The following STPG2 variants were observed in gnomAD, a reference collection of about 807,000 sequenced individuals.
The protein encoded by STPG2 is sperm-tail PG-rich repeat-containing protein 2.
STPG2 carries 56 observed loss-of-function variants against 54.2 expected under a neutral mutation model. That is an observed-to-expected ratio of 1.03 (90% CI 0.83 to 1.29). The LOEUF (loss-of-function observed/expected upper bound fraction) is 1.29. STPG2 is among the 50% of genes most tolerant of loss of function. STPG2 has a pLI of 0.00. For synonymous variants in STPG2, 200 were observed against 181.8 expected (o/e 1.10, Z -0.81); for missense variants, 596 against 544.9 (o/e 1.09, Z -0.93).
rs151042292 is a variant in STPG2 at position 97,800,724 on chromosome 4, T to C, written c.1204+40049A>G. 9.5e-4 allele frequency among the ~76,000 whole-genome samples: 144 copies of C among 152,286 alleles called. No individual in the cohort carries two copies. In the East Asian group the frequency reaches 0.026, roughly 27 times the overall value. On this transcript the variant is annotated intron_variant, in intron 9 of 10. Coordinates refer to ENST00000295268, the MANE Select transcript of STPG2 (RefSeq NM_174952.3). ...TCTTCAAAGCTGTCAGACAGGGACA[T>C]TCAAGTCTGCAGTGGTTTCTGCCGC...
intron 5 of STPG2, among the ~76,000 whole-genome samples, chr4:98,092,354 GA>G (rs1738718540): frequency 6.6e-6 from 1 of 151,966 alleles, no homozygotes; most frequent in African/African-American, 2.4e-5. Context: ...GGTTTGGGGG[GA>G]AAAGCGTGTT....
At chr4:97,848,843 T>C (rs1046294653) in intron 8 of STPG2, among the ~76,000 whole-genome samples, 6 of 150,568 alleles carry the variant, frequency 4.0e-5, no homozygotes, top group African/African-American at 9.8e-5. Context: ...GGCTCTGTTC[T>C]GTTCCATTGA....
chr4:98,025,765 C>T (rs576824416), intron 5 of STPG2: 43 of 1,565,952 alleles, frequency 2.7e-5, no homozygotes, highest in East Asian at 2.0e-4. Context: ...AGGTGACTGG[C>T]GATGAATACA....
chr4:97,781,034 G>A (rs1371670582), intron 9 of STPG2, among the ~76,000 whole-genome samples: 1 of 152,036 alleles, frequency 6.6e-6, no homozygotes, highest in Non-Finnish European at 1.5e-5. Flanking sequence ...AGAGAAGCAA[G>A]AGCAAACACA....
intron 9 of STPG2, among the ~76,000 whole-genome samples, chr4:97,805,853 T>C (rs76433416): frequency 7.1e-6 from 1 of 140,672 alleles, no homozygotes; most frequent in Non-Finnish European, 1.6e-5. Flanking sequence ...AAAAAAAAAA[T>C]AGATGCTGGC....
intron 4 of STPG2, among the ~76,000 whole-genome samples, chr4:97,548,809 T>C (rs1731901794): frequency 6.6e-6 from 1 of 152,164 alleles, no homozygotes; most frequent in South Asian, 2.1e-4. Flanking sequence ...ATACACAAGG[T>C]ATGTTAGAGA....
chr4:97,698,943 T>C (rs11732134), intron 10 of STPG2, among the ~76,000 whole-genome samples: 41,138 of 152,074 alleles, frequency 0.27, 6,547 homozygotes, highest in Non-Finnish European at 0.35. Context: ...ACCATGACAG[T>C]GGATAAGGCA....
intron 8 of STPG2, among the ~76,000 whole-genome samples, chr4:97,846,196 A>G (rs1728943864): frequency 6.6e-6 from 1 of 152,200 alleles, no homozygotes; most frequent in African/African-American, 2.4e-5. Flanking sequence ...GCAATGACTG[A>G]CAACAACTAC....
chr4:97,757,127 A>G (rs1426470974), intron 9 of STPG2, among the ~76,000 whole-genome samples: 2 of 152,156 alleles, frequency 1.3e-5, no homozygotes, highest in Non-Finnish European at 2.9e-5. Context: ...TATTTTCTGT[A>G]TTTACACTGA....
rs761286895 is a variant in STPG2 at position 97,712,680 on chromosome 4, G to C, written c.1320+19C>G. On this transcript the variant is annotated intron_variant, in intron 10 of 10. Transcript: ENST00000295268. ...AATTCTATTCTTGTGTCACTGTTAAGAAGGAAATATTGACAAACCTCATAT... is the reference window on the plus strand; with the variant it reads ...AATTCTATTCTTGTGTCACTGTTAACAAGGAAATATTGACAAACCTCATAT... The C allele has an allele frequency of 9.3e-6, 14 of 1,510,786 alleles. No homozygotes were observed. In the African/African-American group the frequency reaches 1.1e-4, roughly 12 times the overall value. The allele number at this position is 1,510,786 out of a possible 1,614,324, so 93.6% of individuals were successfully genotyped here.
chr4:97,581,953 G>GA (rs1293304418), intron 10 of STPG2, among the ~76,000 whole-genome samples: 1 of 151,598 alleles, frequency 6.6e-6, no homozygotes, highest in Non-Finnish European at 1.5e-5. Context: ...TCCACAATGG[G>GA]AAAAAAATTA....
At chr4:97,991,207 C>A (rs559597195) in intron 5 of STPG2, among the ~76,000 whole-genome samples, 1 of 152,016 alleles carries the variant, frequency 6.6e-6, no homozygotes, top group African/African-American at 2.4e-5. Flanking sequence ...TCCAATTGCA[C>A]CCAGGTTGCT....
intron 8 of STPG2, among the ~76,000 whole-genome samples, chr4:97,878,856 C>T (rs1730270426): frequency 6.6e-6 from 1 of 152,198 alleles, no homozygotes; most frequent in South Asian, 2.1e-4. Flanking sequence ...ATTGCTTCCT[C>T]AGGCTGCAAA....
intron 9 of STPG2, among the ~76,000 whole-genome samples, chr4:97,747,679 T>C (rs897326616): frequency 1.3e-5 from 2 of 151,464 alleles, no homozygotes; most frequent in African/African-American, 4.8e-5. Context: ...ATAAAGCTCA[T>C]ATTTTATTAA....
rs576524072 is a variant in STPG2 at position 97,603,321 on chromosome 4, G to A, written c.1321-44204C>T. On this transcript the variant is annotated intron_variant, in intron 10 of 10. Transcript: ENST00000295268. ...AAAAAAATAGAAAACAACAAATTTT[G>A]GCAAGAATGTGTACAAATTGGAACA... 5.2e-4 allele frequency among the ~76,000 whole-genome samples: 79 copies of A among 151,686 alleles called. No individual in the cohort carries two copies. In the South Asian group the frequency reaches 7.1e-3, roughly 14 times the overall value.
rs546499369 is a variant in STPG2 at position 97,810,575 on chromosome 4, C to T, written c.1204+30198G>A. Reference sequence around the variant, plus strand: ...TCCTAAAGCCTTCCCATGAGTCAGGCTCTGGGACACAAAGATGAACAGACA... The same window carrying T: ...TCCTAAAGCCTTCCCATGAGTCAGGTTCTGGGACACAAAGATGAACAGACA... On this transcript the variant is annotated intron_variant, in intron 9 of 10. Coordinates refer to ENST00000295268, the MANE Select transcript of STPG2 (RefSeq NM_174952.3). Among the ~76,000 whole-genome samples, 134 of 152,138 alleles carry T rather than the reference C, an allele frequency of 8.8e-4. 1 individual carries two copies. The highest frequency in any genetic ancestry group is 3.2e-3 in the African/African-American group (132 of 41,518).
chr4:97,456,677 C>T (rs1729529280), intron 4 of STPG2, among the ~76,000 whole-genome samples: 1 of 151,704 alleles, frequency 6.6e-6, no homozygotes, highest in Non-Finnish European at 1.5e-5. Context: ...GGGTGGATCA[C>T]GGGGTCAGGA....
At chr4:97,727,792 A>G (rs1020700366) in intron 9 of STPG2, among the ~76,000 whole-genome samples, 1 of 151,550 alleles carries the variant, frequency 6.6e-6, no homozygotes, top group African/African-American at 2.4e-5. Context: ...TTTGATTTCC[A>G]GGATAGCCAC....
intron 5 of STPG2, among the ~76,000 whole-genome samples, chr4:98,027,328 A>G (rs1203144816): frequency 6.6e-6 from 1 of 152,184 alleles, no homozygotes; most frequent in African/African-American, 2.4e-5. Context: ...AGTCTAGCCC[A>G]CAAAGATTCA....
Sources: gnomAD v4.1 joint callset for allele counts (sites outside exome capture counted in the v4.1 genomes callset) on GRCh38, gnomAD v4.1.1 for gene constraint, MANE v1.5 for transcripts, NCBI Gene and HGNC (gene_info 2026-07-23, HGNC 2026-07-21) for gene names.